Variants in ST7 observed in about 807,000 individuals in gnomAD.
ST7 encodes suppression of tumorigenicity 7.
A neutral mutation model predicts 78.7 loss-of-function variants in ST7; 28 were observed. The observed-to-expected ratio is 0.36, with a 90% CI of 0.26 to 0.49. The LOEUF is 0.49. Among genes scored for constraint, ST7 ranks in the 20% least tolerant of loss-of-function variants. The pLI is 0.99. For synonymous variants in ST7, 247 were observed against 249.6 expected, an observed-to-expected ratio of 0.99 and a Z score of 0.10; for missense variants, 418 against 696.0, an observed-to-expected ratio of 0.60 and a Z score of 4.49.
At chr7:117,008,964 G>A (rs1348398393) in intron 1 of ST7, among the ~76,000 whole-genome samples, 1 of 152,020 alleles carries the variant, frequency 6.6e-6, no homozygotes, top group Non-Finnish European at 1.5e-5. Context: ...TAATTTCAAA[G>A]TTTATAAATA....
intron 1 of ST7, among the ~76,000 whole-genome samples, chr7:116,974,585 C>G (rs560316058): frequency 6.6e-6 from 1 of 152,256 alleles, no homozygotes; most frequent in Admixed American, 6.5e-5. Flanking sequence ...GCCACTGCGC[C>G]GGGCCTTTTC....
intron 1 of ST7, chr7:117,072,449 C>G (rs1469457747): frequency 1.3e-5 from 2 of 152,170 alleles, no homozygotes; most frequent in Non-Finnish European, 2.9e-5. Context: ...TTTTATTCAG[C>G]TCACCTAGAA....
At chr7:117,117,355 T>A (rs898993776) in intron 2 of ST7, among the ~76,000 whole-genome samples, 1 of 152,152 alleles carries the variant, frequency 6.6e-6, no homozygotes, top group Admixed American at 6.5e-5. Flanking sequence ...AGGGGCTAAG[T>A]CTGTAATCCT....
At chr7:117,213,685 C>G (rs1029784421) in intron 13 of ST7, among the ~76,000 whole-genome samples, 8 of 151,944 alleles carry the variant, frequency 5.3e-5, no homozygotes, top group African/African-American at 1.9e-4. Context: ...AATACATCAG[C>G]ATTTCAAAGG....
intron 1 of ST7, among the ~76,000 whole-genome samples, chr7:117,086,466 C>T (rs772934283): frequency 6.6e-6 from 1 of 152,120 alleles, no homozygotes; most frequent in South Asian, 2.1e-4. Flanking sequence ...AAATTTCTTT[C>T]TTTTTCCTTC....
intron 13 of ST7, among the ~76,000 whole-genome samples, chr7:117,218,205 A>G (rs1792835548): frequency 6.6e-6 from 1 of 152,210 alleles, no homozygotes; most frequent in African/African-American, 2.4e-5. Context: ...AAGGATTGTT[A>G]TCTGACATTC....
At chr7:117,054,284 A>G (rs549080697) in intron 1 of ST7, among the ~76,000 whole-genome samples, 1 of 152,320 alleles carries the variant, frequency 6.6e-6, no homozygotes, top group South Asian at 2.1e-4. Flanking sequence ...CAGCCAGTGA[A>G]GTGGAGGCAT....
rs118174787 is a variant in ST7 at position 117,193,484 on chromosome 7, C to T, written c.1254+2548C>T. On this transcript the variant is annotated intron_variant, in intron 12 of 15. Transcript: ENST00000323984. ...CCTATTACATAGATGAGGGCACTGACGGTTTGGAGAGGTTAAATAATCTGC... is the reference window on the plus strand; with the variant it reads ...CCTATTACATAGATGAGGGCACTGATGGTTTGGAGAGGTTAAATAATCTGC... Among the ~76,000 whole-genome samples the T allele has an allele frequency of 9.8e-4, 149 of 152,254 alleles. 2 individuals are homozygous for T. The East Asian group carries it at 0.021, about 22-fold the overall frequency.
At chr7:117,014,887 T>G (rs1049764377) in intron 1 of ST7, 3 of 823,910 alleles carry the variant, frequency 3.6e-6, no homozygotes, top group African/African-American at 1.8e-5. Flanking sequence ...GTGTGCTTCA[T>G]GTCACATGGC....
At chr7:117,184,089 G>C (rs1809020157) in intron 10 of ST7, 1 of 152,224 alleles carries the variant, frequency 6.6e-6, no homozygotes, top group African/African-American at 2.4e-5. Context: ...GATTTTGCAT[G>C]CCTAAGATGT....
chr7:117,179,135 A>G (rs1296013429), intron 10 of ST7, among the ~76,000 whole-genome samples: 1 of 152,236 alleles, frequency 6.6e-6, no homozygotes, highest in East Asian at 1.9e-4. Flanking sequence ...AAGCAAAGAT[A>G]AATGCAGTAC....
Position 117,170,987 on chromosome 7 carries a change from G to A in ST7, c.1078+11G>A. ...TAGCAAAGTATGATGGTAAGTTCTT[G>A]GGTATTTTTATTTACTTGACTATTC... On this transcript the variant is annotated intron_variant, in intron 10 of 15. Transcript: ENST00000323984. 6.4e-7 allele frequency: 1 copy of A among 1,557,408 alleles called. No individual in the cohort carries two copies.
chr7:117,049,260 A>AT (rs1479567639), intron 1 of ST7, among the ~76,000 whole-genome samples: 5 of 152,136 alleles, frequency 3.3e-5, no homozygotes, highest in Middle Eastern at 3.4e-3. Context: ...CCTTTGTGGC[A>AT]TTTTTTTCCC....
intron 2 of ST7, among the ~76,000 whole-genome samples, chr7:117,115,146 C>A (rs1802757241): frequency 6.6e-6 from 1 of 152,106 alleles, no homozygotes; most frequent in African/African-American, 2.4e-5. Flanking sequence ...TTCCCAATTC[C>A]ATCCCCACCT....
intron 9 of ST7, among the ~76,000 whole-genome samples, chr7:117,155,234 C>T (rs1016115865): frequency 6.6e-6 from 1 of 151,974 alleles, no homozygotes; most frequent in African/African-American, 2.4e-5. Flanking sequence ...GGTCCTGAAG[C>T]TGGGAAGAGT....
At position 117,170,889 on chromosome 7, in the gene ST7, A is replaced by T. The variant is rs1807938061; in HGVS notation, c.991A>T (p.Met331Leu). 1.2e-6 allele frequency: 2 copies of T among 1,607,142 alleles called. No individual in the cohort carries two copies. The highest frequency in any genetic ancestry group is 1.7e-6 in the Non-Finnish European group (2 of 1,176,264). Residue 331 changes from methionine (M) to leucine (L), a missense_variant, in exon 10 of 16, where the codon ATG (methionine) becomes TTG (leucine). This residue lies in a region of ST7 where 288 missense variants were observed against 537.1 expected (regional missense o/e 0.54). Coordinates refer to ENST00000323984, the MANE Select transcript of ST7 (RefSeq NM_001369598.1). Reference sequence around the variant, plus strand: ...AATGAAGGAGTTCCCCCTTCTGAGTATGTTCAATATCCATGAAAACCTTTT... The same window carrying T: ...AATGAAGGAGTTCCCCCTTCTGAGTTTGTTCAATATCCATGAAAACCTTTT... ...DLMKEFPLLS[M>L]FNIHENLLEA...
At chr7:117,162,728 A>C (rs982280348) in intron 9 of ST7, among the ~76,000 whole-genome samples, 6 of 151,734 alleles carry the variant, frequency 4.0e-5, no homozygotes, top group African/African-American at 1.5e-4. Flanking sequence ...TTTTATGAAG[A>C]TATTTTGGCT....
chr7:117,127,545 A>T (rs1410814780), intron 3 of ST7, among the ~76,000 whole-genome samples: 2 of 151,934 alleles, frequency 1.3e-5, no homozygotes, highest in Non-Finnish European at 2.9e-5. Context: ...GGCATAACTA[A>T]TGAAGACATT....
intron 1 of ST7, among the ~76,000 whole-genome samples, chr7:116,961,297 G>A (rs1033489849): frequency 2.6e-5 from 4 of 152,088 alleles, no homozygotes; most frequent in African/African-American, 9.7e-5. Context: ...TTGGCTATTT[G>A]GGCTATTTTT....
Sources: gnomAD v4.1 joint callset for allele counts (sites outside exome capture counted in the v4.1 genomes callset) on GRCh38, gnomAD v4.1.1 for gene constraint, gnomAD v4.1.1 regional missense constraint, MANE v1.5 for transcripts, NCBI Gene and HGNC (gene_info 2026-07-23, HGNC 2026-07-21) for gene names.